GCFC2: variants seen among roughly 807,000 people sequenced by gnomAD.
GCFC2 encodes GC-rich sequence DNA-binding factor 2, also known as intron Large complex component GCFC2.
Under a neutral mutation model 99.4 loss-of-function variants are expected in GCFC2, and 102 were observed. That is an observed-to-expected ratio of 1.03 (90% CI 0.87 to 1.21). The LOEUF (loss-of-function observed/expected upper bound fraction) is 1.21. Among genes scored for constraint, GCFC2 ranks in the 50% most tolerant of loss-of-function variants. The pLI is 0.00. For missense variants in GCFC2, 973 were observed against 920.9 expected (o/e 1.06, Z -0.73); for synonymous variants, 338 against 316.8 (o/e 1.07, Z -0.71).
rs762640508 is a variant in GCFC2 at position 75,702,261 on chromosome 2, T to C, written c.557A>G (p.Glu186Gly). The change falls in exon 3 of 17, where the codon GAA becomes GGA. Residue 186 changes from glutamate (E) to glycine (G), a missense_variant. Glu to Gly is a moderately conservative substitution (Grantham distance 98). Transcript: ENST00000321027. ...DDPESEPDDH[E>G]KRIPFTLRPQ... is the part of the protein sequence containing the mutation. ...TCTTAGAGTAAATGGTATTCTCTTT[T>C]CATGGTCATCAGGCTCACTCTCAGG... 1.2e-6 allele frequency: 2 copies of C among 1,612,920 alleles called. No homozygotes were observed. Among genetic ancestry groups the C allele is most frequent in the Non-Finnish European group, 1.7e-6 (2 of 1,178,968 alleles).
chr2:75,689,040 A>G lies in GCFC2; in HGVS notation c.1525T>C (p.Trp509Arg), dbSNP rs755073500. ...AGCATAAATACCTTAAGAGGATTCC[A>G]ATCAATCAACTGAACTCGTATTAGG... is the stretch of plus-strand genomic sequence containing the variant. ...NPLIRVQLID[W>R]NPLKLESTGL... Residue 509 changes from tryptophan to arginine, a missense_variant, in exon 10 of 17, where the codon TGG becomes CGG. By Grantham distance (101) the Trp-to-Arg change is moderately radical. Transcript: ENST00000321027. 3.9e-6 allele frequency: 6 copies of G among 1,550,814 alleles called. No homozygotes were observed. The highest frequency in any genetic ancestry group is 5.3e-6 in the Non-Finnish European group (6 of 1,131,090).
At chr2:75,675,035 T>G (rs1679276794) in intron 12 of GCFC2, among the ~76,000 whole-genome samples, 1 of 152,234 alleles carries the variant, frequency 6.6e-6, no homozygotes, top group African/African-American at 2.4e-5. Context: ...TTGATTTTTT[T>G]CATTTAATTT....
rs951365598 is a variant in GCFC2 at position 75,689,957 on chromosome 2, T to G, written c.1339+12A>C. On this transcript the variant is annotated intron_variant, in intron 9 of 16. Coordinates refer to ENST00000321027, the MANE Select transcript of GCFC2 (RefSeq NM_003203.5). ...ACTCAAACCATGATATATTAGAAACTTGGTAACTGACCTTGGCTTTTTTGG... is the reference window on the plus strand; with the variant it reads ...ACTCAAACCATGATATATTAGAAACGTGGTAACTGACCTTGGCTTTTTTGG... 7.1e-7 allele frequency: 1 copy of G among 1,412,644 alleles called. No individual in the cohort carries two copies. The highest frequency in any genetic ancestry group is 1.8e-5 in the Admixed American group (1 of 54,078). The allele number at this position is 1,412,644 out of a possible 1,614,324, so 87.5% of individuals were successfully genotyped here. A position where few individuals can be genotyped will look rare whatever the true frequency, so the allele number is the denominator to read the frequency against.
rs747271307 is a variant in GCFC2 at position 75,702,325 on chromosome 2, A to T, written c.493T>A (p.Ser165Thr). 1 of 1,612,638 alleles carries T rather than the reference A, an allele frequency of 6.2e-7. No homozygotes were observed. The highest frequency in any genetic ancestry group is 8.5e-7 in the Non-Finnish European group (1 of 1,178,658). Reference sequence around the variant, plus strand: ...TCTCTCTTCATACCAGAGATGGAGGAGGTATGTTGTACATCCAAAGAAATA... The same window carrying T: ...TCTCTCTTCATACCAGAGATGGAGGTGGTATGTTGTACATCCAAAGAAATA... Reference protein sequence around the residue: ...DYISLDVQHTSSISGMKRESE... With the variant: ...DYISLDVQHTTSISGMKRESE... The change falls in exon 3 of 17, where the codon TCC (serine) becomes ACC (threonine). Residue 165 changes from serine (S) to threonine (T), a missense_variant. Transcript: ENST00000321027.
At chr2:75,675,406 T>TGA (rs1679289200) in intron 12 of GCFC2, among the ~76,000 whole-genome samples, 1 of 152,198 alleles carries the variant, frequency 6.6e-6, no homozygotes, top group Non-Finnish European at 1.5e-5. Context: ...GAAAGTTTTC[T>TGA]TTCAAAGTAT....
Position 75,696,223 on chromosome 2 carries a change from A to G in GCFC2, c.810T>C (p.Ile270=). ...ACCTAGTATTTAATTGCTTCTTTATAATTTCTAAATTTACTGGCGGAAATG... is the reference window on the plus strand; with the variant it reads ...ACCTAGTATTTAATTGCTTCTTTATGATTTCTAAATTTACTGGCGGAAATG... ...SISFPPVNLE[I]IKKQLNTRLT... The change falls in exon 5 of 17, where the codon ATT becomes ATC. Residue 270 remains isoleucine (I), a synonymous_variant. Coordinates refer to ENST00000321027, the MANE Select transcript of GCFC2 (RefSeq NM_003203.5). 7.3e-7 allele frequency: 1 copy of G among 1,371,312 alleles called. No individual in the cohort carries two copies. The highest frequency in any genetic ancestry group is 1.0e-6 in the Non-Finnish European group (1 of 961,424). 84.9% of individuals were successfully genotyped at this position (1,371,312 alleles called of 1,614,324 possible).
chr2:75,673,449 TG>T lies in GCFC2; in HGVS notation c.1883del (p.Pro628GlnfsTer5). ...VEDDVFIPLY[P>X]KSAVENKTSP... ...TAGAAATTAACAGCGCTTACCTCTT[TG>T]GATACAGAGGAATAAAAACATCATC... On this transcript the variant is annotated frameshift_variant, in exon 13 of 17. Coordinates refer to ENST00000321027, the MANE Select transcript of GCFC2 (RefSeq NM_003203.5). LOFTEE classifies it high-confidence loss of function. 7.4e-7 allele frequency: 1 copy of T among 1,347,286 alleles called. No homozygotes were observed. Among genetic ancestry groups the T allele is most frequent in the Non-Finnish European group, 1.1e-6 (1 of 937,286 alleles). 83.5% of individuals were successfully genotyped at this position (1,347,286 alleles called of 1,614,324 possible). A position where few individuals can be genotyped will look rare whatever the true frequency, so the allele number is the denominator to read the frequency against.
chr2:75,712,182 G>C (rs1163457084), upstream of GCFC2, among the ~76,000 whole-genome samples: 1 of 116,158 alleles, frequency 8.6e-6, no homozygotes, highest in Non-Finnish European at 2.2e-5. Flanking sequence ...TGCACCAATC[G>C]ACACTCTGTA....
chr2:75,689,414 A>G (rs907685441), intron 9 of GCFC2, among the ~76,000 whole-genome samples, 189 bp from the exon 10 acceptor site: 2 of 152,120 alleles, frequency 1.3e-5, no homozygotes, highest in Admixed American at 6.6e-5. Context: ...TACCATATAT[A>G]CCCCTGCTAT....
At chr2:75,687,777 T>C (rs1009401434) in intron 11 of GCFC2, 50 bp downstream of exon 11, 1 of 1,407,806 alleles carries the variant, frequency 7.1e-7, no homozygotes, top group African/African-American at 1.4e-5. Flanking sequence ...AACAACCTTA[T>C]ATACTCTGTC....
At chr2:75,677,532 G>GCA (rs1272441404) in intron 12 of GCFC2, among the ~76,000 whole-genome samples, 1 of 152,220 alleles carries the variant, frequency 6.6e-6, no homozygotes, top group Non-Finnish European at 1.5e-5. Flanking sequence ...ATGCTGCTAA[G>GCA]CATACTATAG....
In GCFC2 at chr2:75,676,256, G is replaced by A. The variant is rs189425476; in HGVS notation, c.1813-2736C>T. Among the ~76,000 whole-genome samples, 230 of 152,324 alleles carry A rather than the reference G, an allele frequency of 1.5e-3. 1 individual carries two copies. Among genetic ancestry groups the A allele is most frequent in the African/African-American group, 5.2e-3 (216 of 41,572 alleles). On this transcript the variant is annotated intron_variant, in intron 12 of 16. Coordinates refer to ENST00000321027, the MANE Select transcript of GCFC2 (RefSeq NM_003203.5). ...TTCTACTAAATGGTCCACCAGCCAT[G>A]TCTAAAACCATTTGCTGATAGGGGA...
At chr2:75,695,877 C>T (rs1273815303) in intron 5 of GCFC2, among the ~76,000 whole-genome samples, 1 of 152,146 alleles carries the variant, frequency 6.6e-6, no homozygotes, top group Non-Finnish European at 1.5e-5. Flanking sequence ...AGCAGGGCAG[C>T]TCAAGATGTC....
chr2:75,669,610 GCCAGC>G (rs1220506354), intron 15 of GCFC2, among the ~76,000 whole-genome samples: 1 of 152,084 alleles, frequency 6.6e-6, no homozygotes, highest in Non-Finnish European at 1.5e-5. Flanking sequence ...TTTGTAAACA[GCCAGC>G]CATCTAGCAT....
At chr2:75,685,762 CTCATGT>C in intron 11 of GCFC2, among the ~76,000 whole-genome samples, 1 of 97,424 alleles carries the variant, frequency 1.0e-5, no homozygotes, top group East Asian at 2.3e-4. Flanking sequence ...CCCTTTAAGA[CTCATGT>C]ATTCAACAAC....
rs768652148 is a variant in GCFC2 at position 75,673,492 on chromosome 2, A to C, written c.1841T>G (p.Met614Arg). Residue 614 changes from methionine to arginine, a missense_variant, in exon 13 of 17, where the codon ATG becomes AGG. Physicochemically the swap from Met to Arg is moderately conservative, Grantham distance 91. Transcript: ENST00000321027. ...AACATCATCTTCTACTGCCTTTTTC[A>C]TTCTTGAAACAATGGATTTAAGTAA... ...QDLLKSIVSRMKKAVEDDVFI... is the reference protein window; with the variant it reads ...QDLLKSIVSRRKKAVEDDVFI... The C allele has an allele frequency of 4.3e-6, 6 of 1,397,610 alleles. No individual in the cohort carries two copies. The Admixed American group carries it at 8.4e-5, about 20-fold the overall frequency. The allele number at this position is 1,397,610 out of a possible 1,614,324, so 86.6% of individuals were successfully genotyped here.
chr2:75,710,546 G>A (rs1204498410), intron 1 of GCFC2, 45 bp downstream of exon 1: 12 of 1,459,256 alleles, frequency 8.2e-6, no homozygotes, highest in East Asian at 2.8e-5. Flanking sequence ...GCCCCTTCCC[G>A]CCCTGTGCCG....
At chr2:75,701,739 G>T in intron 3 of GCFC2, 1 of 362,602 alleles carries the variant, frequency 2.8e-6, no homozygotes, top group Non-Finnish European at 3.9e-6. Flanking sequence ...CCAAAACCTT[G>T]GTCAAATGCA....
intron 1 of GCFC2, among the ~76,000 whole-genome samples, chr2:75,708,415 A>G (rs190836296): frequency 6.6e-6 from 1 of 152,204 alleles, no homozygotes; most frequent in South Asian, 2.1e-4. Context: ...GTTCATGAGT[A>G]AAAGATCCAA....
Sources: gnomAD v4.1 joint callset for allele counts (sites outside exome capture counted in the v4.1 genomes callset) on GRCh38, gnomAD v4.1.1 for gene constraint, MANE v1.5 for transcripts, NCBI Gene and HGNC (gene_info 2026-07-23, HGNC 2026-07-21) for gene names.